The following ARHGAP23 variants were observed in gnomAD, a reference collection of about 807,000 sequenced individuals.
ARHGAP23 encodes the protein rho GTPase-activating protein 23.
A neutral mutation model predicts 136.3 loss-of-function variants in ARHGAP23; 34 were observed. That is an observed-to-expected ratio of 0.25 (90% confidence interval 0.19 to 0.33). The LOEUF is 0.33. Ranked by LOEUF, ARHGAP23 falls within the 10% of genes least tolerant of loss-of-function variation. ARHGAP23 has a pLI of 1.00. For synonymous variants in ARHGAP23, 832 were observed against 920.5 expected (o/e 0.90, Z 1.74); for missense variants, 1,808 against 2,139.0 (o/e 0.85, Z 3.05).
chr17:38,500,002 G>C (rs1034976731), intron 22 of ARHGAP23, among the ~76,000 whole-genome samples: 1 of 152,190 alleles, frequency 6.6e-6, no homozygotes, highest in Non-Finnish European at 1.5e-5. Flanking sequence ...GGTGACCCCA[G>C]GTCCGGAGGT....
At chr17:38,447,837 C>A (rs986432363) in intron 1 of ARHGAP23, among the ~76,000 whole-genome samples, 8 of 152,250 alleles carry the variant, frequency 5.3e-5, no homozygotes, top group African/African-American at 1.9e-4. Context: ...CCAATGCCAG[C>A]CTGCTGTTGC....
At chr17:38,499,707 G>C (rs1292468478) in intron 22 of ARHGAP23, among the ~76,000 whole-genome samples, 1 of 152,052 alleles carries the variant, frequency 6.6e-6, no homozygotes, top group Admixed American at 6.6e-5. Flanking sequence ...CGCCCATCTT[G>C]CTTTTCTCAC....
rs1033081049 is a variant in ARHGAP23, at chr17:38,498,455, T to C, written c.3360T>C (p.Ile1120=). 1 of 1,548,550 alleles carries C rather than the reference T, an allele frequency of 6.5e-7. No homozygotes were observed. The highest frequency in any genetic ancestry group is 2.0e-5 in the Admixed American group (1 of 50,920). ...AGGAGCCTCAGGCAGTGCCCAACATTGAGTACCTCCTGCCCAACATTGGCA... is the reference window on the plus strand; with the variant it reads ...AGGAGCCTCAGGCAGTGCCCAACATCGAGTACCTCCTGCCCAACATTGGCA... ...GDKEPQAVPN[I]EYLLPNIGRT... The change falls in exon 22 of 24, where the codon ATT becomes ATC. Residue 1120 remains isoleucine (I), a synonymous_variant. Coordinates refer to ENST00000622683, the MANE Select transcript of ARHGAP23 (RefSeq NM_001199417.2).
chr17:38,483,509 C>A (rs1389222307), intron 16 of ARHGAP23, among the ~76,000 whole-genome samples: 1 of 152,254 alleles, frequency 6.6e-6, no homozygotes, highest in Non-Finnish European at 1.5e-5. Flanking sequence ...CCCTGCTTTG[C>A]CCTGTCTGTT....
intron 1 of ARHGAP23, among the ~76,000 whole-genome samples, chr17:38,455,187 TGCATGTATTATA>T (rs2039294299): frequency 6.6e-6 from 1 of 152,184 alleles, no homozygotes; most frequent in South Asian, 2.1e-4. Context: ...AGAGGAAACA[TGCATGTATTATA>T]GCATGAAGGA....
At chr17:38,479,535 G>C in intron 13 of ARHGAP23, 38 bp downstream of exon 13, 1 of 1,538,590 alleles carries the variant, frequency 6.5e-7, no homozygotes, top group East Asian at 2.5e-5. Flanking sequence ...TCCTCTGTGG[G>C]GGTGGTAGGG....
Position 38,466,457 on chromosome 17 carries a change from C to A in ARHGAP23, c.774C>A (p.Pro258=). 1 of 1,523,516 alleles carries A rather than the reference C, an allele frequency of 6.6e-7. No homozygotes were observed. The highest frequency in any genetic ancestry group is 8.8e-7 in the Non-Finnish European group (1 of 1,138,176). The allele number at this position is 1,523,516 out of a possible 1,614,324, so 94.4% of individuals were successfully genotyped here. The change falls in exon 7 of 24, where the codon CCC becomes CCA. Residue 258 remains proline (P), a synonymous_variant. Transcript: ENST00000622683. ...CCCGCCCCAGCCCTGGTGCCTTCCC[C>A]CACCTCTCCTCGGAGCCCCGGACGC... is the stretch of plus-strand genomic sequence containing the variant. The part of the protein sequence containing the change: ...SQPRPSPGAF[P]HLSSEPRTPR...
intron 16 of ARHGAP23, 55 bp from the exon 17 acceptor site, chr17:38,486,007 A>T: frequency 1.1e-5 from 17 of 1,493,366 alleles, no homozygotes; most frequent in Non-Finnish European, 1.6e-5. Context: ...ATGATCGTGG[A>T]GGCATGGGCA....
intron 16 of ARHGAP23, among the ~76,000 whole-genome samples, chr17:38,485,550 G>A (rs1436400934): frequency 1.3e-5 from 2 of 152,216 alleles, no homozygotes; most frequent in African/African-American, 4.8e-5. Flanking sequence ...CTGGGGTGCA[G>A]GTGACAGGGC....
Position 38,510,911 on chromosome 17 carries a change from G to A in ARHGAP23, c.4415G>A (p.Gly1472Glu). 1.3e-6 allele frequency: 2 copies of A among 1,490,076 alleles called. No homozygotes were observed. Among genetic ancestry groups the A allele is most frequent in the South Asian group, 2.5e-5 (2 of 79,034 alleles). The allele number at this position is 1,490,076 out of a possible 1,614,324, so 92.3% of individuals were successfully genotyped here. ...ASQPPAPGDT[G>E]SLQSQPPRRS... is the part of the protein sequence containing the mutation. Reference sequence around the variant, plus strand: ...CAGCCGCCCGCGCCCGGGGACACGGGGTCCCTGCAGAGCCAGCCCCCGCGC... The same window carrying A: ...CAGCCGCCCGCGCCCGGGGACACGGAGTCCCTGCAGAGCCAGCCCCCGCGC... Residue 1472 changes from glycine to glutamate, a missense_variant, in exon 24 of 24, where the codon GGG (glycine) becomes GAG (glutamate). This residue lies in a region of ARHGAP23 where 506 missense variants were observed against 455.8 expected (regional missense o/e 1.11). Transcript: ENST00000622683. The surrounding 1 kb of genome is among the most constrained non-coding windows in gnomAD (Gnocchi z 4.6).
chr17:38,443,688 G>A (rs1263956747), intron 1 of ARHGAP23, among the ~76,000 whole-genome samples: 5 of 151,810 alleles, frequency 3.3e-5, no homozygotes, highest in Admixed American at 3.3e-4. Context: ...GCAGGGCTGG[G>A]GTGAGGGGGT....
At chr17:38,469,077 G>A (rs2039680072) in intron 7 of ARHGAP23, 67 bp from the exon 8 acceptor site, 1 of 1,482,716 alleles carries the variant, frequency 6.7e-7, no homozygotes, top group African/African-American at 1.4e-5. Context: ...GGCTGGCAAG[G>A]CTAGGGTGGA....
At chr17:38,482,958 G>A (rs2040080194) in intron 16 of ARHGAP23, among the ~76,000 whole-genome samples, 2 of 152,186 alleles carry the variant, frequency 1.3e-5, no homozygotes, top group South Asian at 4.1e-4. Context: ...GAGTGTTTAG[G>A]ATGAGTAGAG....
chr17:38,474,683 C>T (rs766777777), intron 11 of ARHGAP23, among the ~76,000 whole-genome samples: 7 of 152,240 alleles, frequency 4.6e-5, no homozygotes, highest in Admixed American at 1.3e-4. Flanking sequence ...CTGTCAGCAC[C>T]GACGAGTTAC....
intron 9 of ARHGAP23, 34 bp from the exon 10 acceptor site, chr17:38,469,813 C>T (rs759312113): frequency 6.4e-7 from 1 of 1,550,554 alleles, no homozygotes. Context: ...AGCTTTGCTG[C>T]CCACATCCCT....
At chr17:38,446,753 T>C (rs906430528) in intron 1 of ARHGAP23, among the ~76,000 whole-genome samples, 3 of 152,034 alleles carry the variant, frequency 2.0e-5, no homozygotes, top group Non-Finnish European at 2.9e-5. Context: ...GTTTAATTTT[T>C]TGAGAAACTG....
chr17:38,449,716 G>A (rs976897693), intron 1 of ARHGAP23, among the ~76,000 whole-genome samples: 5 of 152,194 alleles, frequency 3.3e-5, no homozygotes, highest in African/African-American at 1.2e-4. Context: ...TCTGCGTTTG[G>A]TGGTGTGCAA....
chr17:38,464,021 TTGGCTCCCTGCA>T (rs1270384296), intron 6 of ARHGAP23, among the ~76,000 whole-genome samples: 2 of 152,116 alleles, frequency 1.3e-5, no homozygotes, highest in East Asian at 3.9e-4. Context: ...CACCAGCCCC[TTGGCTCCCTGCA>T]GTACAAACAG....
At chr17:38,505,800 C>G (rs982426707) in intron 23 of ARHGAP23, among the ~76,000 whole-genome samples, 35 of 152,130 alleles carry the variant, frequency 2.3e-4, no homozygotes, top group Admixed American at 1.0e-3. Flanking sequence ...TGGTGGTGCA[C>G]GCCTGTAATC....
Sources: gnomAD v4.1 joint callset for allele counts (sites outside exome capture counted in the v4.1 genomes callset) on GRCh38, gnomAD v4.1.1 for gene constraint, gnomAD v4.1.1 regional missense constraint, Gnocchi (gnomAD v3.1) non-coding constraint, MANE v1.5 for transcripts, NCBI Gene and HGNC (gene_info 2026-07-23, HGNC 2026-07-21) for gene names.